The following KIF16B variants were observed in gnomAD, a reference collection of about 807,000 sequenced individuals.
KIF16B encodes the protein kinesin-like protein KIF16B.
In KIF16B, 98 loss-of-function variants were observed where a neutral mutation model predicts 156.3. The ratio of observed to expected loss-of-function variants is 0.63; its 90% CI spans 0.53 to 0.74. The LOEUF (loss-of-function observed/expected upper bound fraction) is 0.74, where lower values mean the gene tolerates loss of function less well. Ranked by LOEUF, KIF16B falls within the 30% of genes least tolerant of loss-of-function variation. KIF16B has a pLI of 0.00. For synonymous variants in KIF16B, 564 were observed against 583.7 expected (o/e 0.97, Z 0.49); for missense variants, 1,421 against 1,606.5 (o/e 0.88, Z 1.97).
At chr20:16,558,433 C>T (rs1306892986) in intron 1 of KIF16B, among the ~76,000 whole-genome samples, 1 of 152,192 alleles carries the variant, frequency 6.6e-6, no homozygotes, top group Non-Finnish European at 1.5e-5. Flanking sequence ...AGGTGTGCCT[C>T]CTCCACCCTC....
In KIF16B at chr20:16,494,299, T is replaced by C. The variant is rs567934387; in HGVS notation, c.1294A>G (p.Ile432Val). ...ATTTTTCTAGTCCTTACTTTCAAAA[T>C]ATTTTGGGTTTCATTCCACTTATTT... The part of the protein sequence containing the change: ...WTNKWNETQN[I>V]LKEQTLALRK... The change falls in exon 12 of 26, where the codon ATT becomes GTT. Residue 432 changes from isoleucine (I) to valine (V), a missense_variant. Transcript: ENST00000354981. The C allele has an allele frequency of 1.3e-6, 2 of 1,597,568 alleles. No individual in the cohort carries two copies. Among genetic ancestry groups the C allele is most frequent in the Admixed American group, 1.7e-5 (1 of 58,586 alleles).
chr20:16,550,636 T>G (rs1350609208), intron 1 of KIF16B, among the ~76,000 whole-genome samples: 1 of 149,650 alleles, frequency 6.7e-6, no homozygotes, highest in Non-Finnish European at 1.5e-5. Flanking sequence ...TAAGCTCAGA[T>G]GATCCTCCCA....
chr20:16,476,688 A>C (rs6105610), intron 12 of KIF16B, among the ~76,000 whole-genome samples: 57,386 of 151,830 alleles, frequency 0.38, 12,397 homozygotes, highest in African/African-American at 0.6. Flanking sequence ...AAGATGCAGG[A>C]TAGCCATATT....
In KIF16B at chr20:16,383,172, C is replaced by T. The variant is rs554016725; in HGVS notation, c.1785-1425G>A. ...TTTAGGCAGAACTGAGTATCTCTTA[C>T]ATGGCAGGTGCTGTGTGGCATGATT... On this transcript the variant is annotated intron_variant, in intron 17 of 25. Transcript: ENST00000354981. Among the ~76,000 whole-genome samples, 3 of 152,236 alleles carry T rather than the reference C, an allele frequency of 2.0e-5. No homozygotes were observed. In the South Asian group the frequency reaches 6.2e-4, roughly 32 times the overall value.
intron 25 of KIF16B, among the ~76,000 whole-genome samples, chr20:16,302,544 T>A (rs1262091333): frequency 2.6e-5 from 4 of 152,198 alleles, no homozygotes; most frequent in Admixed American, 2.6e-4. Flanking sequence ...TTTGGTAGTG[T>A]CAGTCTTCCT....
chr20:16,442,080 T>G (rs1275952192), intron 12 of KIF16B, among the ~76,000 whole-genome samples: 1 of 152,076 alleles, frequency 6.6e-6, no homozygotes, highest in Admixed American at 6.6e-5. Context: ...TCAGACAAAT[T>G]GACATGTGGT....
At chr20:16,434,654 T>C (rs1207939977) in intron 12 of KIF16B, among the ~76,000 whole-genome samples, 1 of 152,204 alleles carries the variant, frequency 6.6e-6, no homozygotes, top group Non-Finnish European at 1.5e-5. Context: ...TAGGTGAATA[T>C]AGCTGCACCA....
chr20:16,564,658 T>A lies in KIF16B; in HGVS notation c.47+8571A>T, dbSNP rs12480414. On this transcript the variant is annotated intron_variant, in intron 1 of 25. Transcript: ENST00000354981. The stretch of plus-strand genomic sequence containing the variant: ...TGCACATGTACCCTAAAACTTAAAG[T>A]ATAATAAAAAAAAAAAAACTGAAAG... Among the ~76,000 whole-genome samples the A allele has an allele frequency of 5.4e-3, 727 of 135,848 alleles. 14 individuals are homozygous for A. Among genetic ancestry groups the A allele is most frequent in the Admixed American group, 0.037 (513 of 13,794 alleles). 89.1% of individuals were successfully genotyped at this position (135,848 alleles called of 152,430 possible). A position where few individuals can be genotyped will look rare whatever the true frequency, so the allele number is the denominator to read the frequency against.
rs371767084 is a variant in KIF16B at position 16,363,049 on chromosome 20, G to A, written c.3499-6597C>T. ...ATGGTGATGGTTTGAAAAATGTACT[G>A]TTTAAGAAACAGTGGAGAGACGGAA... On this transcript the variant is annotated intron_variant, in intron 22 of 25. Transcript: ENST00000354981. Among the ~76,000 whole-genome samples, 45 of 152,320 alleles carry A rather than the reference G, an allele frequency of 3.0e-4. 1 individual carries two copies. The Middle Eastern group carries it at 0.017, about 58-fold the overall frequency.
intron 17 of KIF16B, among the ~76,000 whole-genome samples, chr20:16,401,504 G>C (rs1221781312): frequency 6.6e-6 from 1 of 152,192 alleles, no homozygotes; most frequent in Non-Finnish European, 1.5e-5. Flanking sequence ...CTTTCCCAAA[G>C]GGACTCAGGT....
chr20:16,573,378 C>G lies in KIF16B; in HGVS notation c.-103G>C. The G allele has an allele frequency of 7.9e-7, 1 of 1,258,764 alleles. No individual in the cohort carries two copies. The highest frequency in any genetic ancestry group is 1.1e-6 in the Non-Finnish European group (1 of 895,564). The allele number at this position is 1,258,764 out of a possible 1,614,324, so 78.0% of individuals were successfully genotyped here. On this transcript the variant is annotated 5_prime_UTR_variant, in exon 1 of 26. Transcript: ENST00000354981. ...TCGCGGCTCCCGCCCACTTCCCTCTCGCCCCCGCCCCTCTGCTCCCGGCCG... is the reference window on the plus strand; with the variant it reads ...TCGCGGCTCCCGCCCACTTCCCTCTGGCCCCCGCCCCTCTGCTCCCGGCCG...
chr20:16,377,565 A>C (rs2064985022), intron 19 of KIF16B, among the ~76,000 whole-genome samples: 1 of 151,704 alleles, frequency 6.6e-6, no homozygotes, highest in Non-Finnish European at 1.5e-5. Context: ...GCCTGGACCC[A>C]GAGCAAGACC....
chr20:16,525,030 G>T (rs749275670), intron 3 of KIF16B, among the ~76,000 whole-genome samples: 1 of 152,156 alleles, frequency 6.6e-6, no homozygotes, highest in African/African-American at 2.4e-5. Context: ...CTGTCAGGGG[G>T]TAGGGAGCTA....
intron 19 of KIF16B, among the ~76,000 whole-genome samples, chr20:16,378,518 G>A (rs1292930975): frequency 6.6e-6 from 1 of 152,036 alleles, no homozygotes; most frequent in Non-Finnish European, 1.5e-5. Flanking sequence ...ATTAAAACAC[G>A]CACATTCCAT....
chr20:16,369,137 A>G, intron 22 of KIF16B: 1 of 985,816 alleles, frequency 1.0e-6, no homozygotes, highest in Non-Finnish European at 1.2e-6. Flanking sequence ...GAGACGCTCC[A>G]CAGCATGGGA....
rs1002123626 is a variant in KIF16B, at chr20:16,368,000, A to G, written c.3498+2586T>C. ...AGATTATCTGACAGGACCAAAGCAT[A>G]TAAAGTTGACTGAAGCAGGAGCAAA... On this transcript the variant is annotated intron_variant, in intron 22 of 25. Coordinates refer to ENST00000354981, the MANE Select transcript of KIF16B (RefSeq NM_024704.5). The G allele has an allele frequency of 3.5e-6, 5 of 1,426,636 alleles. No homozygotes were observed. The African/African-American group carries it at 4.3e-5, about 12-fold the overall frequency. The allele number at this position is 1,426,636 out of a possible 1,614,324, so 88.4% of individuals were successfully genotyped here.
chr20:16,461,997 CCAGCA>C (rs2067357461), intron 12 of KIF16B, among the ~76,000 whole-genome samples: 1 of 152,094 alleles, frequency 6.6e-6, no homozygotes, highest in Non-Finnish European at 1.5e-5. Flanking sequence ...ATCTGTAATC[CCAGCA>C]CTTTGGAAGG....
intron 1 of KIF16B, among the ~76,000 whole-genome samples, chr20:16,539,569 T>C (rs2092695): frequency 0.53 from 80,274 of 151,904 alleles, 21,327 homozygotes; most frequent in Non-Finnish European, 0.55. Flanking sequence ...ACCCTTGCTC[T>C]CATTCTTTCC....
intron 1 of KIF16B, among the ~76,000 whole-genome samples, chr20:16,569,373 T>G (rs1172814203): frequency 6.6e-6 from 1 of 152,056 alleles, no homozygotes; most frequent in East Asian, 1.9e-4. Context: ...GACCAGAGAG[T>G]CTGGCACAGA....
Sources: gnomAD v4.1 joint callset for allele counts (sites outside exome capture counted in the v4.1 genomes callset) on GRCh38, gnomAD v4.1.1 for gene constraint, MANE v1.5 for transcripts, NCBI Gene and HGNC (gene_info 2026-07-23, HGNC 2026-07-21) for gene names.